The following EML5 variants were observed in gnomAD, a reference collection of about 807,000 sequenced individuals.
The protein encoded by EML5 is EMAP like 5, also known as echinoderm microtubule-associated protein-like 5.
A neutral mutation model predicts 250.0 loss-of-function variants in EML5; 120 were observed. The observed-to-expected ratio is 0.48, with a 90% CI of 0.41 to 0.56. EML5 has a LOEUF of 0.56. Among genes scored for constraint, EML5 ranks in the 20% least tolerant of loss-of-function variants. The pLI is 0.00. For missense variants in EML5, 2,006 were observed against 2,437.6 expected (o/e 0.82, Z 3.73); for synonymous variants, 771 against 806.5 (o/e 0.96, Z 0.75).
intron 21 of EML5, among the ~76,000 whole-genome samples, chr14:88,679,896 G>A (rs182532499): frequency 3.4e-3 from 519 of 152,164 alleles, no homozygotes; most frequent in South Asian, 6.2e-3. Context: ...ATAGTGTAGC[G>A]TATAGTAAGG....
At chr14:88,664,261 AGT>A (rs1491252435) in intron 23 of EML5, among the ~76,000 whole-genome samples, 2 of 142,406 alleles carry the variant, frequency 1.4e-5, no homozygotes, top group Non-Finnish European at 3.0e-5. Flanking sequence ...TGGGTGACAG[AGT>A]GAGACCTGTC....
intron 33 of EML5, among the ~76,000 whole-genome samples, chr14:88,632,751 A>G (rs1180545799): frequency 6.6e-6 from 1 of 152,210 alleles, no homozygotes; most frequent in East Asian, 1.9e-4. Context: ...GGGGCGCTGA[A>G]CACTTGCTTT....
In EML5 at chr14:88,746,188, A is replaced by C. The variant is rs765654645; in HGVS notation, c.453T>G (p.Asp151Glu). The C allele has an allele frequency of 3.1e-6, 5 of 1,610,656 alleles. No individual in the cohort carries two copies. Among genetic ancestry groups the C allele is most frequent in the Admixed American group, 1.7e-5 (1 of 59,880 alleles). Reference protein sequence around the residue: ...KMLSMAPGHTDRIFDISWDLY... With the variant: ...KMLSMAPGHTERIFDISWDLY... The stretch of plus-strand genomic sequence containing the variant: ...AATCTCAAAAGAGAATACTTACTCT[A>C]TCTGTATGACCAGGAGCCATAGACA... Residue 151 changes from aspartate to glutamate, a missense_variant, in exon 3 of 44, where the codon GAT becomes GAG. Asp to Glu is a conservative substitution (Grantham distance 45). Transcript: ENST00000554922.
At chr14:88,782,480 C>T (rs947593388) in intron 1 of EML5, among the ~76,000 whole-genome samples, 2 of 152,184 alleles carry the variant, frequency 1.3e-5, no homozygotes, top group Non-Finnish European at 2.9e-5. Flanking sequence ...AAGAGGAAAA[C>T]GTCTCCAGGC....
intron 32 of EML5, among the ~76,000 whole-genome samples, chr14:88,637,196 A>T (rs1430675314): frequency 2.0e-5 from 3 of 152,214 alleles, no homozygotes; most frequent in Admixed American, 6.5e-5. Context: ...TATCTTAATT[A>T]GTCACCAGTA....
chr14:88,664,167 C>T (rs2092230795), intron 23 of EML5, among the ~76,000 whole-genome samples: 1 of 150,712 alleles, frequency 6.6e-6, no homozygotes, highest in African/African-American at 2.4e-5. Flanking sequence ...AGTCCCAGCA[C>T]TCAGGAGGCT....
Position 88,792,605 on chromosome 14 carries a change from C to T in EML5, c.-102G>A. 1 of 1,181,562 alleles carries T rather than the reference C, an allele frequency of 8.5e-7. No homozygotes were observed. Among genetic ancestry groups the T allele is most frequent in the South Asian group, 4.2e-5 (1 of 23,918 alleles). 73.2% of individuals were successfully genotyped at this position (1,181,562 alleles called of 1,614,324 possible). A position where few individuals can be genotyped will look rare whatever the true frequency, so the allele number is the denominator to read the frequency against. On this transcript the variant is annotated 5_prime_UTR_variant, in exon 1 of 44. Transcript: ENST00000554922. This position sits in a 1 kb window ranked among gnomAD's most constrained non-coding sequence, Gnocchi z 6.9. ...CCTCCCGCTGGCTGCCGGGACTTCC[C>T]GCCAGCCGCGTCCTCTAAGCCGCGC...
intron 21 of EML5, among the ~76,000 whole-genome samples, chr14:88,676,481 C>T (rs996678545): frequency 2.0e-5 from 3 of 152,174 alleles, no homozygotes; most frequent in African/African-American, 4.8e-5. Flanking sequence ...AATTACCTCC[C>T]ACCAGGTCCC....
intron 19 of EML5, 110 bp from the exon 20 acceptor site, chr14:88,685,252 T>G (rs2092806372): frequency 1.1e-6 from 1 of 877,500 alleles, no homozygotes. Context: ...TACAAGGTTT[T>G]CTCCTGTATT....
chr14:88,699,704 A>G (rs922512982), intron 14 of EML5, among the ~76,000 whole-genome samples: 1 of 152,190 alleles, frequency 6.6e-6, no homozygotes, highest in Admixed American at 6.5e-5. Flanking sequence ...GAAGATAAAG[A>G]ATAAATATAT....
In EML5 at chr14:88,753,489, A is replaced by G. The variant is rs373856533; in HGVS notation, c.357+1023T>C. ...ACTAATTTTATGAATTAAAAAGCAG[A>G]TAACTAAAATTGTTCTAAAATTTAA... On this transcript the variant is annotated intron_variant, in intron 2 of 43. Coordinates refer to ENST00000554922, the MANE Select transcript of EML5 (RefSeq NM_183387.3). 3.9e-4 allele frequency among the ~76,000 whole-genome samples: 59 copies of G among 152,378 alleles called. 1 individual carries two copies. The highest frequency in any genetic ancestry group is 1.4e-3 in the African/African-American group (58 of 41,598).
In EML5 at chr14:88,792,267, G is replaced by A. The variant is rs748648066; in HGVS notation, c.197+40C>T. 8 of 1,531,204 alleles carry A rather than the reference G, an allele frequency of 5.2e-6. No homozygotes were observed. The highest frequency in any genetic ancestry group is 8.8e-7 in the Non-Finnish European group (1 of 1,140,220). The allele number at this position is 1,531,204 out of a possible 1,614,324, so 94.9% of individuals were successfully genotyped here. The stretch of plus-strand genomic sequence containing the variant: ...ACCCGCGGGTGCAAACTCCGGGAGC[G>A]GCTTGCAGGGTGACGGCGGCGGCCC... On this transcript the variant is annotated intron_variant, in intron 1 of 43. Coordinates refer to ENST00000554922, the MANE Select transcript of EML5 (RefSeq NM_183387.3). The surrounding 1 kb of genome is among the most constrained non-coding windows in gnomAD (Gnocchi z 6.9).
chr14:88,726,484 T>C, intron 8 of EML5, 57 bp downstream of exon 8: 1 of 1,457,362 alleles, frequency 6.9e-7, no homozygotes, highest in Non-Finnish European at 9.2e-7. Flanking sequence ...AGAAAATTAC[T>C]TATATTCTGT....
At position 88,643,059 on chromosome 14, in the gene EML5, C is replaced by T. The variant is rs754162872; in HGVS notation, c.4108-37G>A. ...ATAATAAAACCATTATATTCTTCCT[C>T]ATGTATAAATGTTCACCACTGTTTT... On this transcript the variant is annotated intron_variant, in intron 30 of 43. Transcript: ENST00000554922. 10 of 1,533,022 alleles carry T rather than the reference C, an allele frequency of 6.5e-6. 1 individual carries two copies. The South Asian group carries it at 1.3e-4, about 20-fold the overall frequency. The allele number at this position is 1,533,022 out of a possible 1,614,324, so 95.0% of individuals were successfully genotyped here.
chr14:88,621,729 A>C, intron 37 of EML5: 1 of 308,994 alleles, frequency 3.2e-6, no homozygotes, highest in Non-Finnish European at 6.5e-6. Flanking sequence ...AAATACACTT[A>C]ATAAGTACAA....
intron 16 of EML5, among the ~76,000 whole-genome samples, chr14:88,694,753 C>T (rs2093037662): frequency 6.6e-6 from 1 of 152,144 alleles, no homozygotes; most frequent in South Asian, 2.1e-4. Context: ...TTTCCAACTA[C>T]AAAATTCCTC....
intron 1 of EML5, among the ~76,000 whole-genome samples, chr14:88,775,068 C>G (rs981212772): frequency 5.9e-5 from 9 of 151,634 alleles, no homozygotes; most frequent in Non-Finnish European, 8.8e-5. Context: ...CATTCACCAC[C>G]TGCTAACTGA....
Position 88,696,875 on chromosome 14 carries a change from C to T in EML5, c.2316G>A (p.Gln772=). ...KPLSILKGHH[Q]YGVSAVDFSA... is the part of the protein sequence containing the mutation. Reference sequence around the variant, plus strand: ...AGAAATCAACGGCACTAACACCATACTGGTGGTGGCCCTTTAATATGGACA... The same window carrying T: ...AGAAATCAACGGCACTAACACCATATTGGTGGTGGCCCTTTAATATGGACA... Residue 772 remains glutamine, a synonymous_variant, in exon 15 of 44, where the codon CAG becomes CAA. Transcript: ENST00000554922. 1 of 1,608,878 alleles carries T rather than the reference C, an allele frequency of 6.2e-7. No homozygotes were observed. The highest frequency in any genetic ancestry group is 1.7e-5 in the Admixed American group (1 of 59,476).
chr14:88,711,750 G>A (rs1273209131), intron 10 of EML5, among the ~76,000 whole-genome samples: 1 of 152,076 alleles, frequency 6.6e-6, no homozygotes, highest in Non-Finnish European at 1.5e-5. Context: ...TTAAGACACA[G>A]CCTGGCCAAC....
Sources: gnomAD v4.1 joint callset for allele counts (sites outside exome capture counted in the v4.1 genomes callset) on GRCh38, gnomAD v4.1.1 for gene constraint, Gnocchi (gnomAD v3.1) non-coding constraint, MANE v1.5 for transcripts, NCBI Gene and HGNC (gene_info 2026-07-23, HGNC 2026-07-21) for gene names.